CCDC63: variants seen among roughly 807,000 people sequenced by gnomAD.
CCDC63 encodes coiled-coil domain containing 63.
CCDC63 carries 54 observed loss-of-function variants against 63.6 expected under a neutral mutation model. The ratio of observed to expected loss-of-function variants is 0.85; its 90% CI spans 0.68 to 1.07. The LOEUF is 1.07. Among genes scored for constraint, CCDC63 ranks in the 50% least tolerant of loss-of-function variants. The probability of loss-of-function intolerance (pLI) is 0.00; values close to 1 mark genes in which losing one functional copy is unlikely to be tolerated. For synonymous variants in CCDC63, 253 were observed against 266.1 expected (o/e 0.95, Z 0.48); for missense variants, 637 against 689.6 (o/e 0.92, Z 0.86).
intron 1 of CCDC63, 142 bp from the exon 2 acceptor site, chr12:110,852,716 CG>C (rs1241970876): frequency 1.6e-6 from 1 of 617,790 alleles, no homozygotes; most frequent in Non-Finnish European, 2.9e-6. Flanking sequence ...TTGTCACACC[CG>C]GGCAGCCATC....
At chr12:110,887,443 C>T (rs2071298307) in intron 8 of CCDC63, among the ~76,000 whole-genome samples, 3 of 151,072 alleles carry the variant, frequency 2.0e-5, no homozygotes, top group Admixed American at 2.0e-4. Flanking sequence ...GCTCTGCAAG[C>T]TCTATTCTTA....
chr12:110,902,867 G>A (rs1333930833), intron 10 of CCDC63, among the ~76,000 whole-genome samples: 5 of 149,436 alleles, frequency 3.3e-5, no homozygotes, highest in Admixed American at 2.0e-4. Flanking sequence ...ACAGGTGCCC[G>A]ACACCACGCC....
Position 110,907,292 on chromosome 12 carries a change from G to T in CCDC63, c.1547-39G>T. On this transcript the variant is annotated intron_variant, in intron 11 of 11. Transcript: ENST00000308208. This position sits in a 1 kb window ranked among gnomAD's most constrained non-coding sequence, Gnocchi z 4.4. ...CAGGCTTAGCCCCAGCCCTGGGGTT[G>T]ATTTCCCAGCACCTCACACAAATCT... 1 of 1,598,692 alleles carries T rather than the reference G, an allele frequency of 6.3e-7. No individual in the cohort carries two copies.
At chr12:110,881,042 T>C in intron 6 of CCDC63, 73 bp from the exon 7 acceptor site, 1 of 1,403,148 alleles carries the variant, frequency 7.1e-7, no homozygotes, top group Non-Finnish European at 9.5e-7. Flanking sequence ...AGGAAGGCCT[T>C]CTGGACTGGC....
chr12:110,873,910 C>T lies in CCDC63; in HGVS notation c.438C>T (p.Asn146=), dbSNP rs775607723. The change falls in exon 5 of 12, where the codon AAC becomes AAT. Residue 146 remains asparagine (N), a synonymous_variant. Transcript: ENST00000308208. ...TCGCAAAAATGCAGGAGGCCAATAACCCCCGGAAACTGCAGAAACAGATTC... is the reference window on the plus strand; with the variant it reads ...TCGCAAAAATGCAGGAGGCCAATAATCCCCGGAAACTGCAGAAACAGATTC... ...QIFAKMQEAN[N]PRKLQKQIHI... 4 of 1,612,296 alleles carry T rather than the reference C, an allele frequency of 2.5e-6. No individual in the cohort carries two copies. The highest frequency in any genetic ancestry group is 1.1e-5 in the South Asian group (1 of 90,890).
chr12:110,895,035 C>T (rs1555255680), intron 9 of CCDC63, among the ~76,000 whole-genome samples: 1 of 148,688 alleles, frequency 6.7e-6, no homozygotes, highest in Non-Finnish European at 1.5e-5. Context: ...CTGCCTCCGC[C>T]CCCGAGTAGC....
chr12:110,872,969 C>T (rs2071085211), intron 4 of CCDC63, among the ~76,000 whole-genome samples: 1 of 152,180 alleles, frequency 6.6e-6, no homozygotes, highest in South Asian at 2.1e-4. Flanking sequence ...CATGGTGGCT[C>T]ATGCCTGTAA....
rs533121197 is a variant in CCDC63, at chr12:110,893,165, G to A, written c.1149+15G>A. The A allele has an allele frequency of 2.3e-5, 37 of 1,606,608 alleles. No individual in the cohort carries two copies. The East Asian group carries it at 5.6e-4, about 24-fold the overall frequency. On this transcript the variant is annotated intron_variant, in intron 9 of 11. Coordinates refer to ENST00000308208, the MANE Select transcript of CCDC63 (RefSeq NM_152591.3). Reference sequence around the variant, plus strand: ...GACAGCTGGAGGTGAGAACAGGATCGGGAGGGAGGGATGCGGGAGCTTCTG... The same window carrying A: ...GACAGCTGGAGGTGAGAACAGGATCAGGAGGGAGGGATGCGGGAGCTTCTG...
At chr12:110,874,646 G>A (rs2071108508) in intron 5 of CCDC63, among the ~76,000 whole-genome samples, 1 of 152,224 alleles carries the variant, frequency 6.6e-6, no homozygotes, top group Non-Finnish European at 1.5e-5. Context: ...AATGCTAGTA[G>A]AAATGAAACA....
At chr12:110,891,448 C>T (rs544912867) in intron 8 of CCDC63, among the ~76,000 whole-genome samples, 1 of 151,856 alleles carries the variant, frequency 6.6e-6, no homozygotes, top group East Asian at 1.9e-4. Context: ...CACTGGAGTT[C>T]AAGACCAGCC....
At chr12:110,885,565 G>T (rs1323687559) in intron 8 of CCDC63, among the ~76,000 whole-genome samples, 1 of 152,024 alleles carries the variant, frequency 6.6e-6, no homozygotes, top group Admixed American at 6.6e-5. Flanking sequence ...ACCCTCTGCT[G>T]CTGCCAGCCC....
chr12:110,866,731 C>A (rs1335585574), intron 4 of CCDC63, among the ~76,000 whole-genome samples: 1 of 149,014 alleles, frequency 6.7e-6, no homozygotes, highest in African/African-American at 2.5e-5. Flanking sequence ...TCTACACAGA[C>A]ACGGCAACCA....
chr12:110,884,321 A>G, intron 8 of CCDC63, 71 bp downstream of exon 8: 1 of 1,256,688 alleles, frequency 8.0e-7, no homozygotes, highest in Non-Finnish European at 1.2e-6. Context: ...GCAGTCTCCT[A>G]GGAAGGCTCT....
chr12:110,850,036 C>A (rs993868965), intron 1 of CCDC63, among the ~76,000 whole-genome samples: 3 of 152,198 alleles, frequency 2.0e-5, no homozygotes, highest in Non-Finnish European at 2.9e-5. Flanking sequence ...ATGCTAGCTG[C>A]TATAACAAAT....
intron 4 of CCDC63, among the ~76,000 whole-genome samples, chr12:110,872,987 A>C (rs1428544483): frequency 1.3e-5 from 2 of 152,214 alleles, no homozygotes; most frequent in Non-Finnish European, 2.9e-5. Flanking sequence ...TAATCCCAGC[A>C]CTTTGGGATG....
chr12:110,881,247 C>T lies in CCDC63; in HGVS notation c.804C>T (p.Val268=), dbSNP rs747479371. 6.2e-7 allele frequency: 1 copy of T among 1,613,894 alleles called. No individual in the cohort carries two copies. Among genetic ancestry groups the T allele is most frequent in the Admixed American group, 1.7e-5 (1 of 59,984 alleles). ...HESKLKSFLL[V]KLNDRNEFEE... ...GCAAGCTCAAGTCCTTCCTGCTCGT[C>T]AAGCTGAATGATCGCAATGAATTCG... is the stretch of plus-strand genomic sequence containing the variant. The change falls in exon 7 of 12, where the codon GTC becomes GTT. Residue 268 remains valine, a synonymous_variant. Transcript: ENST00000308208.
rs1352086615 is a variant in CCDC63, at chr12:110,907,507, A to G, written c.*31A>G. 1 of 1,613,204 alleles carries G rather than the reference A, an allele frequency of 6.2e-7. No homozygotes were observed. The highest frequency in any genetic ancestry group is 1.7e-5 in the Admixed American group (1 of 59,994). On this transcript the variant is annotated 3_prime_UTR_variant, in exon 12 of 12. Coordinates refer to ENST00000308208, the MANE Select transcript of CCDC63 (RefSeq NM_152591.3). This position sits in a 1 kb window ranked among gnomAD's most constrained non-coding sequence, Gnocchi z 4.4. Reference sequence around the variant, plus strand: ...ATGCATGGGGCCACCTTTGCAACATAACCGAAAGAATAAATGTTTTGTTCT... The same window carrying G: ...ATGCATGGGGCCACCTTTGCAACATGACCGAAAGAATAAATGTTTTGTTCT...
intron 3 of CCDC63, 131 bp downstream of exon 3, chr12:110,853,705 G>T: frequency 1.1e-6 from 1 of 941,028 alleles, no homozygotes; most frequent in Non-Finnish European, 1.6e-6. Context: ...GAGGATCCAC[G>T]GTCTTTTATC....
chr12:110,893,119 A>G lies in CCDC63; in HGVS notation c.1118A>G (p.Asp373Gly). 1.9e-6 allele frequency: 3 copies of G among 1,614,132 alleles called. No individual in the cohort carries two copies. The highest frequency in any genetic ancestry group is 1.1e-5 in the South Asian group (1 of 91,076). ...CGATCCCAGCAGAAATTGTCCCACGATGACAACCACTCTGTCCTGAGACAG... is the reference window on the plus strand; with the variant it reads ...CGATCCCAGCAGAAATTGTCCCACGGTGACAACCACTCTGTCCTGAGACAG... ...LLRSQQKLSHDDNHSVLRQLE... is the reference protein window; with the variant it reads ...LLRSQQKLSHGDNHSVLRQLE... Residue 373 changes from aspartate (D) to glycine (G), a missense_variant, in exon 9 of 12, where the codon GAT (aspartate) becomes GGT (glycine). By Grantham distance (94) the Asp-to-Gly change is moderately conservative (BLOSUM62 -1). Transcript: ENST00000308208.
Sources: allele counts gnomAD v4.1 joint callset (sites outside exome capture counted in the v4.1 genomes callset), GRCh38; gene constraint gnomAD v4.1.1; non-coding constraint Gnocchi (gnomAD v3.1); transcripts MANE v1.5; gene names NCBI Gene and HGNC (gene_info 2026-07-23, HGNC 2026-07-21).